ANKRD10: variants seen among roughly 807,000 people sequenced by gnomAD.
ANKRD10 encodes the protein ankyrin repeat domain 10.
A neutral mutation model predicts 27.0 loss-of-function variants in ANKRD10; 14 were observed. That is an observed-to-expected ratio of 0.52 (90% CI 0.34 to 0.81). The LOEUF (loss-of-function observed/expected upper bound fraction) is 0.81, where lower values mean the gene tolerates loss of function less well. Ranked by LOEUF, ANKRD10 falls within the 40% of genes least tolerant of loss-of-function variation. The probability of loss-of-function intolerance (pLI) is 0.01; values close to 1 mark genes in which losing one functional copy is unlikely to be tolerated. For missense variants in ANKRD10, 493 were observed against 544.0 expected (o/e 0.91, Z 0.93); for synonymous variants, 250 against 224.5 (o/e 1.11, Z -1.01).
intron 3 of ANKRD10, among the ~76,000 whole-genome samples, chr13:110,895,582 A>G (rs559857326): frequency 6.6e-6 from 1 of 152,160 alleles, no homozygotes; most frequent in African/African-American, 2.4e-5. Context: ...GCAAGATTCT[A>G]TCTCTAAATA....
rs1408574163 is a variant in ANKRD10, at chr13:110,879,957, G to A, written c.943C>T (p.Pro315Ser). 1 of 1,614,202 alleles carries A rather than the reference G, an allele frequency of 6.2e-7. No homozygotes were observed. Residue 315 changes from proline (P) to serine (S), a missense_variant, in exon 6 of 6, where the codon CCA (proline) becomes TCA (serine). Pro to Ser is a moderately conservative substitution (Grantham distance 74). Transcript: ENST00000267339. ...TGGCTACTCGGAAACGGCTGTCCTGGGGCTAATCCACTGCTAATTCCGTTA... is the reference window on the plus strand; with the variant it reads ...TGGCTACTCGGAAACGGCTGTCCTGAGGCTAATCCACTGCTAATTCCGTTA... Reference protein sequence around the residue: ...GTNGISSGLAPGQPFPSSQGS... With the variant: ...GTNGISSGLASGQPFPSSQGS...
intron 1 of ANKRD10, chr13:110,914,466 GCACATGCGCCCTAGGCCCCTCCGGA>G (rs1245271697): frequency 6.2e-6 from 2 of 322,362 alleles, no homozygotes; most frequent in East Asian, 5.2e-5. Flanking sequence ...GCGCGCCGCC[GCACATGCGCCCTAGGCCCCTCCGGA>G]CGCAGGCGCC....
intron 2 of ANKRD10, among the ~76,000 whole-genome samples, chr13:110,906,336 A>G (rs1314662915): frequency 6.6e-6 from 1 of 152,134 alleles, no homozygotes; most frequent in Admixed American, 6.5e-5. Context: ...CGTTGACCAA[A>G]TATCTTGGGG....
intron 4 of ANKRD10, among the ~76,000 whole-genome samples, chr13:110,885,702 G>A (rs1467612062): frequency 6.6e-6 from 1 of 152,138 alleles, no homozygotes; most frequent in Non-Finnish European, 1.5e-5. Flanking sequence ...GCGGGTCAAC[G>A]TTTGCTCCTC....
chr13:110,886,920 G>C (rs1268960653), intron 4 of ANKRD10, among the ~76,000 whole-genome samples: 2 of 152,198 alleles, frequency 1.3e-5, no homozygotes, highest in Non-Finnish European at 2.9e-5. Flanking sequence ...GACTGTAAAA[G>C]CAGGTGTCAG....
chr13:110,901,953 G>A (rs918658133), intron 3 of ANKRD10, among the ~76,000 whole-genome samples: 2 of 150,952 alleles, frequency 1.3e-5, no homozygotes, highest in African/African-American at 4.9e-5. Context: ...TGAGGCAGGA[G>A]GATCACTGGA....
At chr13:110,898,703 G>C (rs2065295123) in intron 3 of ANKRD10, among the ~76,000 whole-genome samples, 1 of 151,046 alleles carries the variant, frequency 6.6e-6, no homozygotes, top group African/African-American at 2.4e-5. Flanking sequence ...CTCCTGAGTA[G>C]CTGGGACCAC....
rs140379452 is a variant in ANKRD10, at chr13:110,910,699, C to T, written c.282G>A (p.Thr94=). ...LNVSTTRYAQ[T]PAHIAAFGGH... ...CCCCAAAGGCTGCAATGTGGGCTGG[C>T]GTCTGCGCGTACCGTGTGGTGGAGA... Residue 94 remains threonine (T), a synonymous_variant, in exon 2 of 6, where the codon ACG becomes ACA. Coordinates refer to ENST00000267339, the MANE Select transcript of ANKRD10 (RefSeq NM_017664.4). 10 of 1,614,022 alleles carry T rather than the reference C, an allele frequency of 6.2e-6. No homozygotes were observed. In the African/African-American group the frequency reaches 9.3e-5, roughly 15 times the overall value.
At chr13:110,896,460 A>T (rs576647848) in intron 3 of ANKRD10, among the ~76,000 whole-genome samples, 1 of 152,202 alleles carries the variant, frequency 6.6e-6, no homozygotes, top group Non-Finnish European at 1.5e-5. Context: ...CTTGCCCCTG[A>T]AAGTCCTCAT....
In ANKRD10 at chr13:110,896,634, T is replaced by C. The variant is rs764787986; in HGVS notation, c.456-3371A>G. 8.4e-4 allele frequency among the ~76,000 whole-genome samples: 128 copies of C among 152,236 alleles called. 1 individual carries two copies. The highest frequency in any genetic ancestry group is 1.2e-3 in the Non-Finnish European group (81 of 68,040). On this transcript the variant is annotated intron_variant, in intron 3 of 5. Transcript: ENST00000267339. ...GAAGGCACTTTTCTAAAAAGGACTATGTAGTAATTATTTTAGACTTTGGAG... is the reference window on the plus strand; with the variant it reads ...GAAGGCACTTTTCTAAAAAGGACTACGTAGTAATTATTTTAGACTTTGGAG...
chr13:110,902,218 C>T (rs2065405285), intron 3 of ANKRD10, among the ~76,000 whole-genome samples: 2 of 151,962 alleles, frequency 1.3e-5, no homozygotes, highest in Admixed American at 1.3e-4. Context: ...AAAGAAACCA[C>T]GAATTTCAAA....
intron 3 of ANKRD10, among the ~76,000 whole-genome samples, chr13:110,896,128 G>C (rs994323070): frequency 1.3e-5 from 2 of 152,184 alleles, no homozygotes; most frequent in Non-Finnish European, 2.9e-5. Flanking sequence ...ATGATGGGGA[G>C]GTGAAAAAGT....
chr13:110,883,602 C>T (rs770053171), intron 5 of ANKRD10, 96 bp downstream of exon 5: 1 of 1,559,432 alleles, frequency 6.4e-7, no homozygotes, highest in Non-Finnish European at 8.7e-7. Context: ...GTATATATTT[C>T]TATTTCTTTT....
At chr13:110,892,853 T>C in intron 4 of ANKRD10, 175 bp downstream of exon 4, 1 of 1,416,732 alleles carries the variant, frequency 7.1e-7, no homozygotes. Context: ...TTTTGTTAAG[T>C]CCCATCTTCG....
Position 110,905,569 on chromosome 13 carries a change from C to T in ANKRD10, c.455+464G>A, listed in dbSNP as rs536349926. 4.3e-4 allele frequency among the ~76,000 whole-genome samples: 65 copies of T among 152,332 alleles called. 1 individual carries two copies. The highest frequency in any genetic ancestry group is 1.5e-3 in the African/African-American group (63 of 41,578). On this transcript the variant is annotated intron_variant, in intron 3 of 5. Transcript: ENST00000267339. ...TTAAAACATAACTTTCTCACATCTG[C>T]TAAGACGTGGAAATCAAAACCTAGA...
intron 4 of ANKRD10, among the ~76,000 whole-genome samples, chr13:110,891,858 CT>C (rs2065082194): frequency 1.2e-5 from 1 of 81,016 alleles, no homozygotes. Flanking sequence ...TCACATTTAC[CT>C]TCTTATTAAG....
At chr13:110,898,899 G>T (rs2065306396) in intron 3 of ANKRD10, among the ~76,000 whole-genome samples, 1 of 151,806 alleles carries the variant, frequency 6.6e-6, no homozygotes, top group Admixed American at 6.6e-5. Context: ...GGTATTACAA[G>T]CGCCCACCAC....
chr13:110,906,997 C>G (rs1335274513), intron 2 of ANKRD10, among the ~76,000 whole-genome samples: 2 of 152,136 alleles, frequency 1.3e-5, no homozygotes, highest in African/African-American at 4.8e-5. Context: ...GAAAGGCAAT[C>G]AGACACAGCA....
intron 3 of ANKRD10, among the ~76,000 whole-genome samples, chr13:110,904,608 G>C (rs1353451272): frequency 4.6e-5 from 7 of 152,126 alleles, no homozygotes; most frequent in African/African-American, 1.4e-4. Flanking sequence ...ATGAAAGTTT[G>C]TTATAAAAAT....
Sources: allele counts gnomAD v4.1 joint callset (sites outside exome capture counted in the v4.1 genomes callset), GRCh38; gene constraint gnomAD v4.1.1; transcripts MANE v1.5; gene names NCBI Gene and HGNC (gene_info 2026-07-23, HGNC 2026-07-21).